GXYLT1: variants seen among roughly 807,000 people sequenced by gnomAD.
GXYLT1 encodes glucoside xylosyltransferase 1.
In GXYLT1, 29 loss-of-function variants were observed where a neutral mutation model predicts 54.0. The ratio of observed to expected loss-of-function variants is 0.54; its 90% CI spans 0.40 to 0.73. The LOEUF (loss-of-function observed/expected upper bound fraction) is 0.73, where lower values mean the gene tolerates loss of function less well. Ranked by LOEUF, GXYLT1 falls within the 30% of genes least tolerant of loss-of-function variation. The pLI is 0.00. For synonymous variants in GXYLT1, 176 were observed against 204.1 expected, an observed-to-expected ratio of 0.86 and a Z score of 1.17; for missense variants, 490 against 553.4, an observed-to-expected ratio of 0.89 and a Z score of 1.15.
At chr12:42,115,169 A>G (rs1223417354) in intron 3 of GXYLT1, among the ~76,000 whole-genome samples, 2 of 152,208 alleles carry the variant, frequency 1.3e-5, no homozygotes, top group African/African-American at 2.4e-5. Context: ...CCCACAGCTA[A>G]TATCATACTG....
At chr12:42,140,205 G>T (rs1487125754) in intron 1 of GXYLT1, among the ~76,000 whole-genome samples, 2 of 135,122 alleles carry the variant, frequency 1.5e-5, no homozygotes, top group Non-Finnish European at 3.2e-5. Context: ...AAAGGCGGGG[G>T]GGGGGGGACT....
chr12:42,088,238 C>T (rs757954257), intron 7 of GXYLT1, among the ~76,000 whole-genome samples: 3 of 151,784 alleles, frequency 2.0e-5, no homozygotes, highest in Non-Finnish European at 2.9e-5. Flanking sequence ...ACGAGTATCT[C>T]GGTGAAACTA....
intron 5 of GXYLT1, among the ~76,000 whole-genome samples, chr12:42,105,577 G>A (rs1237875444): frequency 6.6e-6 from 1 of 152,038 alleles, no homozygotes; most frequent in Non-Finnish European, 1.5e-5. Flanking sequence ...ACTACTTAGG[G>A]CATTGTTATT....
At chr12:42,120,230 A>C (rs920585590) in intron 2 of GXYLT1, among the ~76,000 whole-genome samples, 2 of 152,232 alleles carry the variant, frequency 1.3e-5, no homozygotes, top group Admixed American at 1.3e-4. Flanking sequence ...AAACCCAGTC[A>C]TAATTTCATC....
At chr12:42,140,644 C>T (rs866332782) in intron 1 of GXYLT1, among the ~76,000 whole-genome samples, 1 of 152,124 alleles carries the variant, frequency 6.6e-6, no homozygotes, top group African/African-American at 2.4e-5. Context: ...GTATATAACA[C>T]TAGTATTCCC....
In GXYLT1 at chr12:42,110,145, T is replaced by C. The variant is rs148177347; in HGVS notation, c.487-454A>G. Among the ~76,000 whole-genome samples the C allele has an allele frequency of 2.8e-3, 434 of 152,334 alleles. 2 individuals carry two copies. Among genetic ancestry groups the C allele is most frequent in the African/African-American group, 9.3e-3 (386 of 41,578 alleles). ...TAAAAAATATTTGTCCATCAATGCA[T>C]AGCTTTAATATGCCTAAATATTTCT... On this transcript the variant is annotated intron_variant, in intron 3 of 7. Coordinates refer to ENST00000398675, the MANE Select transcript of GXYLT1 (RefSeq NM_173601.2).
At chr12:42,095,393 C>A (rs73280057) in intron 7 of GXYLT1, among the ~76,000 whole-genome samples, 1 of 151,388 alleles carries the variant, frequency 6.6e-6, no homozygotes, top group South Asian at 2.1e-4. Context: ...TAGAGAATGG[C>A]TGAATAAACT....
intron 7 of GXYLT1, among the ~76,000 whole-genome samples, chr12:42,093,128 G>A (rs894008645): frequency 2.6e-5 from 4 of 152,060 alleles, no homozygotes; most frequent in Admixed American, 6.6e-5. Flanking sequence ...ATGAAGTTTC[G>A]CTCCTTTTGC....
Position 42,144,670 on chromosome 12 carries a change from G to T in GXYLT1, c.-24C>A, listed in dbSNP as rs761829485. On this transcript the variant is annotated 5_prime_UTR_variant, in exon 1 of 8. Coordinates refer to ENST00000398675, the MANE Select transcript of GXYLT1 (RefSeq NM_173601.2). ...ATCGCCCCGGCCGCGCTCCTCCTTC[G>T]CCGCCGCCGCCGCGCCCGCCCCGAC... The T allele has an allele frequency of 7.5e-7, 1 of 1,338,222 alleles. No individual in the cohort carries two copies. Among genetic ancestry groups the T allele is most frequent in the South Asian group, 1.6e-5 (1 of 62,364 alleles). 82.9% of individuals were successfully genotyped at this position (1,338,222 alleles called of 1,614,324 possible).
chr12:42,113,077 A>G (rs574182017), intron 3 of GXYLT1, among the ~76,000 whole-genome samples: 1 of 151,274 alleles, frequency 6.6e-6, no homozygotes, highest in South Asian at 2.1e-4. Context: ...AGACAAGCAA[A>G]TGCTGAGAGA....
At chr12:42,135,222 A>G (rs1465269404) in intron 1 of GXYLT1, among the ~76,000 whole-genome samples, 1 of 152,230 alleles carries the variant, frequency 6.6e-6, no homozygotes, top group Non-Finnish European at 1.5e-5. Context: ...GGCATATCCA[A>G]TGTATGGATT....
chr12:42,118,013 C>A (rs372568843), intron 3 of GXYLT1, among the ~76,000 whole-genome samples: 2 of 152,062 alleles, frequency 1.3e-5, no homozygotes, highest in African/African-American at 4.8e-5. Flanking sequence ...GAAGCAGAAG[C>A]CTCATGTTAA....
chr12:42,133,494 G>C (rs1468360431), intron 1 of GXYLT1, among the ~76,000 whole-genome samples: 1 of 152,118 alleles, frequency 6.6e-6, no homozygotes, highest in Non-Finnish European at 1.5e-5. Context: ...GAAGCCACTT[G>C]AGAGAATGCA....
intron 7 of GXYLT1, among the ~76,000 whole-genome samples, chr12:42,092,706 A>T (rs1294110862): frequency 6.6e-6 from 1 of 152,198 alleles, no homozygotes; most frequent in Non-Finnish European, 1.5e-5. Flanking sequence ...ACAAAAAGAC[A>T]ATACTTAAGC....
chr12:42,118,986 T>A lies in GXYLT1; in HGVS notation c.486+14A>T. The A allele has an allele frequency of 6.3e-7, 1 of 1,598,970 alleles. No homozygotes were observed. ...ATTCAACTCTACAACCTTGACTATG[T>A]CTCAAATACTTACTCTGCCTTTAAA... On this transcript the variant is annotated intron_variant, in intron 3 of 7. Transcript: ENST00000398675.
chr12:42,117,422 C>A (rs1435161709), intron 3 of GXYLT1, among the ~76,000 whole-genome samples: 62 of 151,686 alleles, frequency 4.1e-4, no homozygotes, highest in Admixed American at 3.9e-3. Context: ...AACTTTTATA[C>A]CTTTTAGTTT....
At chr12:42,124,577 A>G (rs567790475) in intron 2 of GXYLT1, among the ~76,000 whole-genome samples, 6 of 152,356 alleles carry the variant, frequency 3.9e-5, no homozygotes, top group Middle Eastern at 3.4e-3. Flanking sequence ...TATCATTTTA[A>G]TAAGTGATAA....
intron 3 of GXYLT1, among the ~76,000 whole-genome samples, chr12:42,112,517 C>A (rs146789194): frequency 1.3e-5 from 2 of 151,984 alleles, no homozygotes; most frequent in African/African-American, 2.4e-5. Context: ...GTAGCCAATG[C>A]GACCAACTGG....
chr12:42,084,868 T>G lies in GXYLT1; in HGVS notation c.*2918A>C, dbSNP rs1477230535. 1 of 152,288 alleles carries G rather than the reference T, an allele frequency of 6.6e-6. No homozygotes were observed. The highest frequency in any genetic ancestry group is 2.4e-5 in the African/African-American group (1 of 41,484). The allele number at this position is 152,288 out of a possible 1,614,324, so 9.4% of individuals were successfully genotyped here. A position where few individuals can be genotyped will look rare whatever the true frequency, so the allele number is the denominator to read the frequency against. ...CAAGTTCTTTTCTACTTCATACAAA[T>G]GAAGTTTGACTGCATTTTAAAGGCA... On this transcript the variant is annotated 3_prime_UTR_variant, in exon 8 of 8. Transcript: ENST00000398675.
Sources: gnomAD v4.1 joint callset for allele counts (sites outside exome capture counted in the v4.1 genomes callset) on GRCh38, gnomAD v4.1.1 for gene constraint, MANE v1.5 for transcripts, NCBI Gene and HGNC (gene_info 2026-07-23, HGNC 2026-07-21) for gene names.